ATP8A2: variants seen among roughly 807,000 people sequenced by gnomAD.
The protein encoded by ATP8A2 is phospholipid-transporting ATPase IB.
Under a neutral mutation model 165.6 loss-of-function variants are expected in ATP8A2, and 100 were observed. The ratio of observed to expected loss-of-function variants is 0.60; its 90% CI spans 0.51 to 0.71. The LOEUF (loss-of-function observed/expected upper bound fraction) is 0.71, where lower values mean the gene tolerates loss of function less well. Among genes scored for constraint, ATP8A2 ranks in the 30% least tolerant of loss-of-function variants. The pLI is 0.00. For synonymous variants in ATP8A2, 543 were observed against 548.8 expected (o/e 0.99, Z 0.15); for missense variants, 1,227 against 1,479.5 (o/e 0.83, Z 2.80).
chr13:25,730,550 T>C (rs1456314195), intron 25 of ATP8A2, among the ~76,000 whole-genome samples: 2 of 152,220 alleles, frequency 1.3e-5, no homozygotes, highest in African/African-American at 4.8e-5. Flanking sequence ...TGGCATGATA[T>C]CTGTCACACT....
chr13:25,843,466 C>T (rs1276830693), intron 30 of ATP8A2, among the ~76,000 whole-genome samples: 5 of 151,970 alleles, frequency 3.3e-5, no homozygotes, highest in African/African-American at 9.7e-5. Context: ...GTGATTAGGT[C>T]GTGAGGGCGG....
At chr13:25,640,537 T>C (rs2041491552) in intron 24 of ATP8A2, among the ~76,000 whole-genome samples, 1 of 152,066 alleles carries the variant, frequency 6.6e-6, no homozygotes, top group African/African-American at 2.4e-5. Context: ...ACATACACCC[T>C]CCCAAGACTA....
rs568828657 is a variant in ATP8A2, at chr13:25,940,772, C to T, written c.3184-20803C>T. Among the ~76,000 whole-genome samples the T allele has an allele frequency of 4.6e-5, 7 of 152,336 alleles. No individual in the cohort carries two copies. In the South Asian group the frequency reaches 1.4e-3, roughly 32 times the overall value. ...CCCTCCCCACAGAGGACTAGCCTGGCCTCTGAGAGAGGCTGAGAGCTTGGG... is the reference window on the plus strand; with the variant it reads ...CCCTCCCCACAGAGGACTAGCCTGGTCTCTGAGAGAGGCTGAGAGCTTGGG... On this transcript the variant is annotated intron_variant, in intron 33 of 36. Coordinates refer to ENST00000381655, the MANE Select transcript of ATP8A2 (RefSeq NM_016529.6).
chr13:25,763,512 TCTAGATAAG>T (rs756802386), intron 25 of ATP8A2, among the ~76,000 whole-genome samples: 14 of 152,086 alleles, frequency 9.2e-5, no homozygotes, highest in Non-Finnish European at 2.1e-4. Context: ...TCTTTGTGCC[TCTAGATAAG>T]CTAACCCACA....
rs944243401 is a variant in ATP8A2, at chr13:25,421,255, C to T, written c.77-47722C>T. 2.6e-5 allele frequency among the ~76,000 whole-genome samples: 4 copies of T among 152,194 alleles called. No individual in the cohort carries two copies. In the South Asian group the frequency reaches 8.3e-4, roughly 32 times the overall value. On this transcript the variant is annotated intron_variant, in intron 1 of 36. Coordinates refer to ENST00000381655, the MANE Select transcript of ATP8A2 (RefSeq NM_016529.6). The stretch of plus-strand genomic sequence containing the variant: ...TGTTTTCTAGGTCCTTCCAGAGCTC[C>T]ATTCTTTACTATGTGTGAGACACAG...
intron 24 of ATP8A2, among the ~76,000 whole-genome samples, chr13:25,599,489 T>C (rs1306237433): frequency 3.9e-5 from 6 of 152,276 alleles, no homozygotes; most frequent in Admixed American, 3.9e-4. Flanking sequence ...TCTGGCTGTT[T>C]ATAAATCTTG....
chr13:25,759,962 TCA>T lies in ATP8A2; in HGVS notation c.2385-9081_2385-9080del, dbSNP rs529473414. On this transcript the variant is annotated intron_variant, in intron 25 of 36. Transcript: ENST00000381655. ...TTTTTGTGGACATGCGATAAAATTG[TCA>T]CAGACGCAAGTACCGATGCATAAAT... Among the ~76,000 whole-genome samples the T allele has an allele frequency of 3.3e-5, 5 of 152,296 alleles. No individual in the cohort carries two copies. The East Asian group carries it at 9.7e-4, about 29-fold the overall frequency.
At chr13:25,527,352 C>T (rs946100406) in intron 2 of ATP8A2, among the ~76,000 whole-genome samples, 5 of 152,158 alleles carry the variant, frequency 3.3e-5, no homozygotes, top group African/African-American at 1.2e-4. Context: ...TGTGGAATCT[C>T]AGGCCCACCC....
intron 2 of ATP8A2, among the ~76,000 whole-genome samples, chr13:25,497,772 G>A (rs1043609243): frequency 6.6e-6 from 1 of 151,818 alleles, no homozygotes; most frequent in African/African-American, 2.4e-5. Flanking sequence ...TGGCTAATAC[G>A]GTGAAACCCT....
At chr13:26,015,212 T>G (rs1744220015) in intron 36 of ATP8A2, among the ~76,000 whole-genome samples, 1 of 152,338 alleles carries the variant, frequency 6.6e-6, no homozygotes, top group South Asian at 2.1e-4. Context: ...ATTCAGTGAC[T>G]AGTACCAGAA....
At chr13:25,531,914 G>T (rs886603069) in intron 4 of ATP8A2, among the ~76,000 whole-genome samples, 1 of 152,126 alleles carries the variant, frequency 6.6e-6, no homozygotes, top group Non-Finnish European at 1.5e-5. Context: ...GTCAGATAAG[G>T]GATCTTCAAC....
chr13:25,754,172 G>C (rs1429893507), intron 25 of ATP8A2, among the ~76,000 whole-genome samples: 2 of 152,166 alleles, frequency 1.3e-5, no homozygotes, highest in Non-Finnish European at 2.9e-5. Flanking sequence ...TGCATAGCTG[G>C]GTTGTTTAAT....
chr13:25,934,822 A>G (rs1192229810), intron 33 of ATP8A2, among the ~76,000 whole-genome samples: 1 of 152,206 alleles, frequency 6.6e-6, no homozygotes, highest in African/African-American at 2.4e-5. Flanking sequence ...ACGGGAAAAG[A>G]CAAAGAAAAA....
chr13:25,922,630 C>T (rs1566271978), intron 33 of ATP8A2, among the ~76,000 whole-genome samples: 2 of 152,312 alleles, frequency 1.3e-5, no homozygotes, highest in South Asian at 2.1e-4. Context: ...CGGAGCTCTT[C>T]GGAGAGCACA....
In ATP8A2 at chr13:25,839,583, C is replaced by G; in HGVS notation, c.2915C>G (p.Ser972Cys). ...CACTGCATCAACGCCTTGGTCCACT[C>G]CCTCATCCTCTTCTGGTTTCCCATG... ...WGHCINALVH[S>C]LILFWFPMKA... Residue 972 changes from serine to cysteine, a missense_variant, in exon 30 of 37, where the codon TCC becomes TGC. By Grantham distance (112) the Ser-to-Cys change is moderately radical (BLOSUM62 -1). Transcript: ENST00000381655. The G allele has an allele frequency of 6.2e-7, 1 of 1,614,084 alleles. No homozygotes were observed. Among genetic ancestry groups the G allele is most frequent in the Non-Finnish European group, 8.5e-7 (1 of 1,179,998 alleles).
At chr13:25,632,542 A>G (rs559401029) in intron 24 of ATP8A2, among the ~76,000 whole-genome samples, 1 of 152,062 alleles carries the variant, frequency 6.6e-6, no homozygotes, top group South Asian at 2.1e-4. Context: ...GAGCAAATAC[A>G]TATTTCACAA....
At chr13:25,624,624 A>G (rs2041056613) in intron 24 of ATP8A2, among the ~76,000 whole-genome samples, 1 of 152,180 alleles carries the variant, frequency 6.6e-6, no homozygotes, top group African/African-American at 2.4e-5. Context: ...TCCTCAAATT[A>G]TATGTTCTAA....
chr13:25,831,606 G>T (rs1951472801), intron 28 of ATP8A2, among the ~76,000 whole-genome samples: 1 of 152,106 alleles, frequency 6.6e-6, no homozygotes, highest in African/African-American at 2.4e-5. Context: ...ACTTTGGGAG[G>T]CTGAAGCAGG....
chr13:25,479,176 T>C (rs1231441028), intron 2 of ATP8A2, among the ~76,000 whole-genome samples: 7 of 152,222 alleles, frequency 4.6e-5, no homozygotes, highest in Admixed American at 2.0e-4. Context: ...ACCTTTGATA[T>C]GTATATTTAA....
Sources: gnomAD v4.1 joint callset for allele counts (sites outside exome capture counted in the v4.1 genomes callset) on GRCh38, gnomAD v4.1.1 for gene constraint, MANE v1.5 for transcripts, NCBI Gene and HGNC (gene_info 2026-07-23, HGNC 2026-07-21) for gene names.